Variants in ZBTB20 observed in about 807,000 individuals in gnomAD.
ZBTB20 encodes zinc finger and BTB domain containing 20.
A neutral mutation model predicts 56.9 loss-of-function variants in ZBTB20; 9 were observed. That is an observed-to-expected ratio of 0.16 (90% CI 0.10 to 0.28). The LOEUF is 0.28. ZBTB20 is among the 10% of genes least tolerant of loss of function. The probability of loss-of-function intolerance (pLI) is 1.00; values close to 1 mark genes in which losing one functional copy is unlikely to be tolerated. For missense variants in ZBTB20, 655 were observed against 1,003.0 expected, an observed-to-expected ratio of 0.65 and a Z score of 4.69; for synonymous variants, 417 against 420.7, an observed-to-expected ratio of 0.99 and a Z score of 0.11.
At chr3:114,485,321 A>G (rs553583052) in intron 7 of ZBTB20, among the ~76,000 whole-genome samples, 4 of 152,342 alleles carry the variant, frequency 2.6e-5, no homozygotes, top group Non-Finnish European at 4.4e-5. Flanking sequence ...TCCATCTTAT[A>G]AAGCCTAACT....
At chr3:114,880,583 A>G (rs924577810) in intron 4 of ZBTB20, among the ~76,000 whole-genome samples, 1 of 152,174 alleles carries the variant, frequency 6.6e-6, no homozygotes, top group Non-Finnish European at 1.5e-5. Context: ...TATTTACCTG[A>G]TGACATAATC....
chr3:114,582,970 T>A (rs927855610), intron 6 of ZBTB20, among the ~76,000 whole-genome samples: 6 of 152,234 alleles, frequency 3.9e-5, no homozygotes, highest in Admixed American at 3.9e-4. Flanking sequence ...ATGCTGCCAA[T>A]GCACAAAGAT....
At chr3:114,366,862 C>T (rs1156839402) in intron 10 of ZBTB20, 1 of 151,846 alleles carries the variant, frequency 6.6e-6, no homozygotes, top group African/African-American at 2.4e-5. Context: ...CTACTGCAGA[C>T]TGCTTCAGAA....
intron 5 of ZBTB20, among the ~76,000 whole-genome samples, chr3:114,696,384 C>T (rs977764633): frequency 2.1e-4 from 32 of 151,956 alleles, no homozygotes; most frequent in Admixed American, 4.6e-4. Context: ...CACTAATGAT[C>T]GCATCCATCC....
chr3:114,759,475 C>T (rs1173925240), intron 5 of ZBTB20, among the ~76,000 whole-genome samples: 2 of 152,260 alleles, frequency 1.3e-5, no homozygotes, highest in Middle Eastern at 3.4e-3. Flanking sequence ...GCTAGGGACT[C>T]CCTGGTGCCA....
chr3:114,362,965 A>G (rs1385540924), intron 10 of ZBTB20, among the ~76,000 whole-genome samples: 1 of 152,186 alleles, frequency 6.6e-6, no homozygotes, highest in African/African-American at 2.4e-5. Flanking sequence ...ATTGTTTAGA[A>G]TATTTTCTCT....
chr3:114,864,764 A>T (rs1034704828), intron 4 of ZBTB20, among the ~76,000 whole-genome samples: 1 of 152,074 alleles, frequency 6.6e-6, no homozygotes, highest in Non-Finnish European at 1.5e-5. Context: ...TTTTAAAAGA[A>T]ATTGAGAAGT....
intron 7 of ZBTB20, among the ~76,000 whole-genome samples, chr3:114,452,625 T>G (rs1576827717): frequency 6.6e-6 from 1 of 152,286 alleles, no homozygotes; most frequent in East Asian, 1.9e-4. Context: ...TGCCCTGATA[T>G]GTATTACACC....
chr3:115,129,382 G>A (rs2084435141), intron 1 of ZBTB20, among the ~76,000 whole-genome samples: 1 of 152,152 alleles, frequency 6.6e-6, no homozygotes, highest in Non-Finnish European at 1.5e-5. Flanking sequence ...AGACTATAGT[G>A]TATTAAGATG....
chr3:114,929,295 G>C (rs1157103245), intron 3 of ZBTB20, among the ~76,000 whole-genome samples: 1 of 152,206 alleles, frequency 6.6e-6, no homozygotes, highest in Non-Finnish European at 1.5e-5. Context: ...GGTGGACCTA[G>C]AAAACTAGCA....
intron 1 of ZBTB20, among the ~76,000 whole-genome samples, chr3:115,113,259 C>T (rs114988287): frequency 0.011 from 1,625 of 152,266 alleles, 11 homozygotes; most frequent in South Asian, 0.024. Flanking sequence ...TTTTAAAAAA[C>T]AGTAACAATG....
chr3:114,783,952 G>A (rs560618822), intron 5 of ZBTB20, among the ~76,000 whole-genome samples: 15 of 152,192 alleles, frequency 9.9e-5, no homozygotes, highest in South Asian at 2.1e-4. Context: ...GAGTCACAGT[G>A]GAAACAATTA....
intron 6 of ZBTB20, among the ~76,000 whole-genome samples, chr3:114,626,041 C>T (rs1578037106): frequency 6.6e-6 from 1 of 152,096 alleles, no homozygotes; most frequent in East Asian, 1.9e-4. Flanking sequence ...TCTCAAGTCA[C>T]ATGATGTAGA....
At chr3:114,985,639 C>T (rs1458523856) in intron 2 of ZBTB20, among the ~76,000 whole-genome samples, 1 of 151,980 alleles carries the variant, frequency 6.6e-6, no homozygotes, top group African/African-American at 2.4e-5. Flanking sequence ...AATTTGGGAC[C>T]TTTACTGCCA....
intron 2 of ZBTB20, among the ~76,000 whole-genome samples, chr3:114,983,191 G>A (rs2078398754): frequency 6.6e-6 from 1 of 151,842 alleles, no homozygotes; most frequent in African/African-American, 2.4e-5. Context: ...CAATTATTGG[G>A]TTTACAATGT....
At chr3:114,715,294 GGAATGAA>G (rs2064391734) in intron 5 of ZBTB20, among the ~76,000 whole-genome samples, 1 of 152,168 alleles carries the variant, frequency 6.6e-6, no homozygotes, top group Non-Finnish European at 1.5e-5. Flanking sequence ...AACCCGAGGT[GGAATGAA>G]GAAGAATTTC....
intron 6 of ZBTB20, among the ~76,000 whole-genome samples, chr3:114,500,667 A>T (rs2043840524): frequency 6.6e-6 from 1 of 152,230 alleles, no homozygotes; most frequent in African/African-American, 2.4e-5. Flanking sequence ...TGTTCATTTC[A>T]TTCTAATCTG....
At chr3:114,485,507 G>A (rs1013879967) in intron 7 of ZBTB20, among the ~76,000 whole-genome samples, 1 of 152,174 alleles carries the variant, frequency 6.6e-6, no homozygotes, top group Non-Finnish European at 1.5e-5. Flanking sequence ...CTTGAGTAGA[G>A]ATGAGTGATG....
chr3:114,507,086 T>G (rs2044711868), intron 6 of ZBTB20, among the ~76,000 whole-genome samples: 2 of 152,176 alleles, frequency 1.3e-5, no homozygotes, highest in Admixed American at 1.3e-4. Context: ...GAAAAGTTAA[T>G]TTTAGTGCAT....
Sources: allele counts gnomAD v4.1 joint callset (sites outside exome capture counted in the v4.1 genomes callset), GRCh38; gene constraint gnomAD v4.1.1; transcripts MANE v1.5; gene names NCBI Gene and HGNC (gene_info 2026-07-23, HGNC 2026-07-21).